The following USP40 variants were observed in gnomAD, a reference collection of about 807,000 sequenced individuals.
USP40 encodes the protein ubiquitin carboxyl-terminal hydrolase 40.
A neutral mutation model predicts 166.2 loss-of-function variants in USP40; 143 were observed. The observed-to-expected ratio is 0.86, with a 90% CI of 0.75 to 0.99. The LOEUF (loss-of-function observed/expected upper bound fraction) is 0.99. Ranked by LOEUF, USP40 falls within the 50% of genes least tolerant of loss-of-function variation. The pLI is 0.00. For missense variants in USP40, 1,444 were observed against 1,479.7 expected (o/e 0.98, Z 0.40); for synonymous variants, 498 against 524.0 (o/e 0.95, Z 0.68).
chr2:233,519,713 G>A, intron 17 of USP40, 42 bp from the exon 18 acceptor site: 1 of 1,126,654 alleles, frequency 8.9e-7, no homozygotes, highest in Non-Finnish European at 1.3e-6. Context: ...TGTAAAAAAT[G>A]GGAGGAGATG....
In USP40 at chr2:233,529,463, C is replaced by A; in HGVS notation, c.1521G>T (p.Met507Ile). The change falls in exon 12 of 32, where the codon ATG (methionine) becomes ATT (isoleucine). Residue 507 changes from methionine to isoleucine, a missense_variant. Coordinates refer to ENST00000678225, the MANE Select transcript of USP40 (RefSeq NM_001365479.2). ...YGVPCHLLNEMDAANIELQTK... is the reference protein window; with the variant it reads ...YGVPCHLLNEIDAANIELQTK... ...TTTGCAGTTCAATGTTAGCTGCATCCATTTCATTCAGTAAATGACATGGAA... is the reference window on the plus strand; with the variant it reads ...TTTGCAGTTCAATGTTAGCTGCATCAATTTCATTCAGTAAATGACATGGAA... 6.3e-7 allele frequency: 1 copy of A among 1,582,120 alleles called. No homozygotes were observed. The highest frequency in any genetic ancestry group is 2.3e-5 in the East Asian group (1 of 44,178).
chr2:233,527,548 A>C lies in USP40; in HGVS notation c.1584T>G (p.Phe528Leu), dbSNP rs781028615. Reference protein sequence around the residue: ...RAECDSANNTFELHLHLGPQY... With the variant: ...RAECDSANNTLELHLHLGPQY... ...GAGGGCCCAGGTGAAGATGCAATTC[A>C]AAAGTATTGTTTGCAGAATCACATT... The change falls in exon 13 of 32, where the codon TTT (phenylalanine) becomes TTG (leucine). Residue 528 changes from phenylalanine to leucine, a missense_variant. By Grantham distance (22) the Phe-to-Leu change is conservative. Coordinates refer to ENST00000678225, the MANE Select transcript of USP40 (RefSeq NM_001365479.2). 6.2e-7 allele frequency: 1 copy of C among 1,611,546 alleles called. No homozygotes were observed. Among genetic ancestry groups the C allele is most frequent in the Non-Finnish European group, 8.5e-7 (1 of 1,179,278 alleles).
chr2:233,483,361 C>T (rs555706761), intron 30 of USP40, among the ~76,000 whole-genome samples: 54 of 152,168 alleles, frequency 3.5e-4, no homozygotes, highest in East Asian at 1.7e-3. Flanking sequence ...CATAATGGCA[C>T]GTGCCTGTGG....
intron 27 of USP40, 111 bp from the exon 28 acceptor site, chr2:233,488,415 T>A: frequency 9.8e-7 from 1 of 1,017,602 alleles, no homozygotes; most frequent in Non-Finnish European, 1.4e-6. Context: ...GTTTTCTGAG[T>A]ACTTATAAGA....
intron 18 of USP40, among the ~76,000 whole-genome samples, chr2:233,518,209 G>GT (rs371510633): frequency 0.23 from 22,237 of 97,204 alleles, 2,279 homozygotes; most frequent in Non-Finnish European, 0.24. Flanking sequence ...CTCAAAATAT[G>GT]TTTTTTTTTT....
In USP40 at chr2:233,480,781, G is replaced by C. The variant is rs931762779; in HGVS notation, c.3599+422C>G. 1.3e-5 allele frequency among the ~76,000 whole-genome samples: 2 copies of C among 152,154 alleles called. No homozygotes were observed. The highest frequency in any genetic ancestry group is 2.9e-5 in the Non-Finnish European group (2 of 68,016). On this transcript the variant is annotated intron_variant, in intron 31 of 31. Coordinates refer to ENST00000678225, the MANE Select transcript of USP40 (RefSeq NM_001365479.2). The surrounding 1 kb of genome is among the most constrained non-coding windows in gnomAD (Gnocchi z 4.5). Reference sequence around the variant, plus strand: ...CGTCCCCTGGAGTGGCCAGGCTCTCGGGAACCTTGGAGAGAGCGGGAGAAG... The same window carrying C: ...CGTCCCCTGGAGTGGCCAGGCTCTCCGGAACCTTGGAGAGAGCGGGAGAAG...
chr2:233,481,537 G>C, intron 30 of USP40: 2 of 527,776 alleles, frequency 3.8e-6, no homozygotes, highest in Non-Finnish European at 6.7e-6. Context: ...TTCAGCTCCA[G>C]AAGCTTCCAC....
At position 233,540,674 on chromosome 2, in the gene USP40, T is replaced by G. The variant is rs915889609; in HGVS notation, c.1158A>C (p.Gly386=). ...TGCCATGTATTACCTTCCGCAGTGG[T>G]CCATGCTGTTTTCTGTACTTCTTGT... The part of the protein sequence containing the change: ...SWNKKYRKQH[G]PLRKFLQLHS... The change falls in exon 10 of 32, where the codon GGA becomes GGC. Residue 386 remains glycine (G), a synonymous_variant. Transcript: ENST00000678225. 2.5e-6 allele frequency: 4 copies of G among 1,611,524 alleles called. No individual in the cohort carries two copies. The highest frequency in any genetic ancestry group is 3.4e-6 in the Non-Finnish European group (4 of 1,178,358).
Position 233,486,001 on chromosome 2 carries a change from C to A in USP40, c.3198-24G>T. 2 of 1,546,814 alleles carry A rather than the reference C, an allele frequency of 1.3e-6. No individual in the cohort carries two copies. The highest frequency in any genetic ancestry group is 8.7e-7 in the Non-Finnish European group (1 of 1,149,734). On this transcript the variant is annotated intron_variant, in intron 28 of 31. Coordinates refer to ENST00000678225, the MANE Select transcript of USP40 (RefSeq NM_001365479.2). The surrounding 1 kb of genome is among the most constrained non-coding windows in gnomAD (Gnocchi z 4.0). ...GGCTGTACCAGAAAACCGTCAAGCG[C>A]CAGATCCAAACAAACAAACAAAACC...
rs200438807 is a variant in USP40 at position 233,518,208 on chromosome 2, T to TG, written c.2383+1405dup. 6.7e-3 allele frequency among the ~76,000 whole-genome samples: 825 copies of TG among 123,654 alleles called. 20 individuals are homozygous for TG. The East Asian group carries it at 0.081, about 12-fold the overall frequency. 81.1% of individuals were successfully genotyped at this position (123,654 alleles called of 152,430 possible). A position where few individuals can be genotyped will look rare whatever the true frequency, so the allele number is the denominator to read the frequency against. ...AACAATAAAAAATGTGCTCAAAATA[T>TG]GTTTTTTTTTTTAAAAGTCAAAACC... On this transcript the variant is annotated intron_variant, in intron 18 of 31. Transcript: ENST00000678225.
intron 7 of USP40, 73 bp from the exon 8 acceptor site, chr2:233,549,302 T>G (rs962910285): frequency 3.2e-6 from 3 of 924,208 alleles, no homozygotes; most frequent in Non-Finnish European, 4.6e-6. Flanking sequence ...GAAAAAATAA[T>G]TTCAACTACT....
intron 17 of USP40, among the ~76,000 whole-genome samples, chr2:233,520,141 T>C (rs773338269): frequency 2.0e-5 from 3 of 152,162 alleles, no homozygotes; most frequent in Non-Finnish European, 4.4e-5. Flanking sequence ...GACTTTATTT[T>C]AGATTCTTTC....
At chr2:233,553,947 A>G (rs957377909) in intron 6 of USP40, among the ~76,000 whole-genome samples, 22 of 152,248 alleles carry the variant, frequency 1.4e-4, no homozygotes, top group African/African-American at 4.1e-4. Flanking sequence ...GGGAGGAGGT[A>G]AGGCTATATT....
At position 233,477,156 on chromosome 2, in the gene USP40, T is replaced by A. The variant is rs1009931775; in HGVS notation, c.*236A>T. The A allele has an allele frequency of 1.8e-4, 95 of 535,522 alleles. 1 individual carries two copies. The Admixed American group carries it at 2.7e-3, about 15-fold the overall frequency. 33.2% of individuals were successfully genotyped at this position (535,522 alleles called of 1,614,324 possible). On this transcript the variant is annotated 3_prime_UTR_variant, in exon 32 of 32. Coordinates refer to ENST00000678225, the MANE Select transcript of USP40 (RefSeq NM_001365479.2). Reference sequence around the variant, plus strand: ...GTGCTGTGTGAGAGAGCCCAGCACCTACTGGCAGCTGGGTGGGCGACATCC... The same window carrying A: ...GTGCTGTGTGAGAGAGCCCAGCACCAACTGGCAGCTGGGTGGGCGACATCC...
chr2:233,541,711 A>C (rs147788403), intron 9 of USP40, among the ~76,000 whole-genome samples: 1 of 152,236 alleles, frequency 6.6e-6, no homozygotes, highest in African/African-American at 2.4e-5. Flanking sequence ...AGAAGACCTC[A>C]CATCTTTAAA....
At position 233,527,471 on chromosome 2, in the gene USP40, C is replaced by G. The variant is rs757152404; in HGVS notation, c.1661G>C (p.Ser554Thr). 10 of 1,613,796 alleles carry G rather than the reference C, an allele frequency of 6.2e-6. No individual in the cohort carries two copies. The East Asian group carries it at 2.2e-4, about 36-fold the overall frequency. ...ALHPVVSQTESVWDLTFDKRK... is the reference protein window; with the variant it reads ...ALHPVVSQTETVWDLTFDKRK... ...TTTATCAAAGGTCAAATCCCACACGCTTTCTGTTTGAGAGACTACTGGGTG... is the reference window on the plus strand; with the variant it reads ...TTTATCAAAGGTCAAATCCCACACGGTTTCTGTTTGAGAGACTACTGGGTG... The change falls in exon 13 of 32, where the codon AGC becomes ACC. Residue 554 changes from serine to threonine, a missense_variant. By Grantham distance (58) the Ser-to-Thr change is moderately conservative (BLOSUM62 1). Transcript: ENST00000678225.
intron 8 of USP40, among the ~76,000 whole-genome samples, chr2:233,548,184 T>G (rs1326565207): frequency 2.0e-5 from 3 of 152,092 alleles, no homozygotes; most frequent in African/African-American, 7.2e-5. Context: ...TTCTTACACC[T>G]CTCATAGGAA....
intron 11 of USP40, among the ~76,000 whole-genome samples, chr2:233,530,551 A>T (rs962440172): frequency 6.6e-6 from 1 of 152,228 alleles, no homozygotes; most frequent in Non-Finnish European, 1.5e-5. Flanking sequence ...TTTTAAATAC[A>T]CATACTCAAA....
chr2:233,548,507 T>C lies in USP40; in HGVS notation c.966+594A>G, dbSNP rs141396141. On this transcript the variant is annotated intron_variant, in intron 8 of 31. Coordinates refer to ENST00000678225, the MANE Select transcript of USP40 (RefSeq NM_001365479.2). ...TCTTTATGATAATGGAGTAACTGTATAGCTAAGGAATGGTTCCAGATTACA... is the reference window on the plus strand; with the variant it reads ...TCTTTATGATAATGGAGTAACTGTACAGCTAAGGAATGGTTCCAGATTACA... Among the ~76,000 whole-genome samples, 978 of 152,274 alleles carry C rather than the reference T, an allele frequency of 6.4e-3. 3 individuals are homozygous for C. Among genetic ancestry groups the C allele is most frequent in the African/African-American group, 0.022 (922 of 41,572 alleles).
Sources: gnomAD v4.1 joint callset for allele counts (sites outside exome capture counted in the v4.1 genomes callset) on GRCh38, gnomAD v4.1.1 for gene constraint, Gnocchi (gnomAD v3.1) non-coding constraint, MANE v1.5 for transcripts, NCBI Gene and HGNC (gene_info 2026-07-23, HGNC 2026-07-21) for gene names.